MATN2: variants seen among roughly 807,000 people sequenced by gnomAD.
MATN2 encodes the protein matrilin-2.
In MATN2, 69 loss-of-function variants were observed where a neutral mutation model predicts 103.2. That is an observed-to-expected ratio of 0.67 (90% confidence interval 0.55 to 0.82). The LOEUF is 0.82. MATN2 is among the 40% of genes least tolerant of loss of function. MATN2 has a pLI of 0.00. For missense variants in MATN2, 1,023 were observed against 1,211.5 expected (o/e 0.84, Z 2.31); for synonymous variants, 429 against 450.2 (o/e 0.95, Z 0.60).
At chr8:98,034,921 A>G (rs1352981915) in intron 18 of MATN2, among the ~76,000 whole-genome samples, 1 of 151,858 alleles carries the variant, frequency 6.6e-6, no homozygotes, top group African/African-American at 2.4e-5. Flanking sequence ...ACAATTAAAA[A>G]AAAAAAAAAA....
intron 6 of MATN2, among the ~76,000 whole-genome samples, chr8:97,985,353 A>C (rs6468608): frequency 0.29 from 44,511 of 152,016 alleles, 7,886 homozygotes; most frequent in African/African-American, 0.5. Flanking sequence ...ATGACCCAAA[A>C]ACCTCCCATT....
At chr8:97,913,059 C>A (rs764207191) in intron 2 of MATN2, among the ~76,000 whole-genome samples, 2 of 152,122 alleles carry the variant, frequency 1.3e-5, no homozygotes, top group Non-Finnish European at 2.9e-5. Flanking sequence ...TGAGCAGACA[C>A]CAGAACACGA....
chr8:97,898,529 G>A lies in MATN2; in HGVS notation c.142+10287G>A, dbSNP rs188496749. Among the ~76,000 whole-genome samples the A allele has an allele frequency of 1.3e-3, 193 of 151,594 alleles. 4 individuals are homozygous for A. The highest frequency in any genetic ancestry group is 0.011 in the Admixed American group (163 of 15,228). On this transcript the variant is annotated intron_variant, in intron 2 of 18. Coordinates refer to ENST00000254898, the MANE Select transcript of MATN2 (RefSeq NM_002380.5). ...GGAAAATTACTTGAACCTCGGAGGC[G>A]GAGGTTGCAGTGAGCTGAGATCACA...
chr8:98,013,532 C>T lies in MATN2; in HGVS notation c.1574-3008C>T, dbSNP rs184801813. On this transcript the variant is annotated intron_variant, in intron 10 of 18. Coordinates refer to ENST00000254898, the MANE Select transcript of MATN2 (RefSeq NM_002380.5). ...TCTGTTAGGTGCCAGGCATTATGGC[C>T]ACTGCCAACATCTCACCTCTGATGA... 6.3e-4 allele frequency among the ~76,000 whole-genome samples: 96 copies of T among 152,292 alleles called. 3 individuals are homozygous for T. The East Asian group carries it at 0.016, about 25-fold the overall frequency.
chr8:97,943,742 G>A (rs1307835162), intron 4 of MATN2, among the ~76,000 whole-genome samples: 2 of 152,088 alleles, frequency 1.3e-5, no homozygotes, highest in Admixed American at 6.6e-5. Context: ...GGATTGAGCC[G>A]CTGTGCCTGG....
intron 2 of MATN2, among the ~76,000 whole-genome samples, chr8:97,929,934 G>A (rs1175383043): frequency 6.6e-6 from 1 of 152,202 alleles, no homozygotes; most frequent in African/African-American, 2.4e-5. Flanking sequence ...AGTCTGAAAG[G>A]AAAGGTCTTT....
In MATN2 at chr8:97,965,046, T is replaced by C. The variant is rs1811437438; in HGVS notation, c.958+3516T>C. Among the ~76,000 whole-genome samples the C allele has an allele frequency of 2.6e-5, 4 of 152,332 alleles. No homozygotes were observed. The South Asian group carries it at 8.3e-4, about 32-fold the overall frequency. ...ACTGCGCCCGACTGACCCCATTTCT[T>C]ACCCAGCTGGCCTCATTTCTTGATG... On this transcript the variant is annotated intron_variant, in intron 5 of 18. Transcript: ENST00000254898.
In MATN2 at chr8:97,972,568, T is replaced by C. The variant is rs1811696225; in HGVS notation, c.959-6318T>C. 2.0e-5 allele frequency among the ~76,000 whole-genome samples: 3 copies of C among 152,354 alleles called. No homozygotes were observed. In the South Asian group the frequency reaches 6.2e-4, roughly 32 times the overall value. On this transcript the variant is annotated intron_variant, in intron 5 of 18. Coordinates refer to ENST00000254898, the MANE Select transcript of MATN2 (RefSeq NM_002380.5). ...AAACTTTAAACTCCAAATGCTCCTCTTTAAAATATACTATTTCTGCTAATG... is the reference window on the plus strand; with the variant it reads ...AAACTTTAAACTCCAAATGCTCCTCCTTAAAATATACTATTTCTGCTAATG...
chr8:97,927,353 T>C (rs1038733785), intron 2 of MATN2, among the ~76,000 whole-genome samples: 19 of 151,644 alleles, frequency 1.3e-4, no homozygotes, highest in Non-Finnish European at 2.4e-4. Context: ...AGAGATGGGG[T>C]TTCTCCATGT....
In MATN2 at chr8:98,027,464, A is replaced by G. The variant is rs11559204; in HGVS notation, c.1991A>G (p.Lys664Arg). Residue 664 changes from lysine (K) to arginine (R), a missense_variant, in exon 14 of 19, where the codon AAG becomes AGG. Physicochemically the swap from Lys to Arg is conservative, Grantham distance 26. Transcript: ENST00000254898. ...CTGGTCTTTGTGATCGATGGATCCA[A>G]GAGTCTTGGAGAAGAGAATTTTGAG... ...IDLVFVIDGS[K>R]SLGEENFEVV... 6.2e-7 allele frequency: 1 copy of G among 1,613,700 alleles called. No individual in the cohort carries two copies. The highest frequency in any genetic ancestry group is 8.5e-7 in the Non-Finnish European group (1 of 1,179,652).
Position 97,982,634 on chromosome 8 carries a change from G to A in MATN2, c.1081+3626G>A, listed in dbSNP as rs1812065331. Among the ~76,000 whole-genome samples the A allele has an allele frequency of 6.6e-6, 1 of 151,972 alleles. No individual in the cohort carries two copies. On this transcript the variant is annotated intron_variant, in intron 6 of 18. Transcript: ENST00000254898. This position sits in a 1 kb window ranked among gnomAD's most constrained non-coding sequence, Gnocchi z 4.3. ...GATTAAGCAAAAATGTACATAATAG[G>A]GCTTTATGTTCATGAACCAGTACTA...
chr8:98,035,536 T>TG (rs1360844226), intron 18 of MATN2, 121 bp from the exon 19 acceptor site: 2 of 573,284 alleles, frequency 3.5e-6, no homozygotes, highest in Non-Finnish European at 6.3e-6. Flanking sequence ...TTGACAGAAA[T>TG]GGGAAAAAAA....
intron 2 of MATN2, among the ~76,000 whole-genome samples, chr8:97,927,615 G>A (rs1344637933): frequency 6.6e-6 from 1 of 152,184 alleles, no homozygotes; most frequent in African/African-American, 2.4e-5. Context: ...TCAGTTACTT[G>A]GGCTGCCAGG....
At chr8:98,030,357 T>C in intron 14 of MATN2, 105 bp from the exon 15 acceptor site, 7 of 842,196 alleles carry the variant, frequency 8.3e-6, no homozygotes, top group Non-Finnish European at 1.3e-5. Flanking sequence ...ACTCTTCAAA[T>C]CATACCACTT....
chr8:98,022,867 C>G (rs1057446390), intron 13 of MATN2, among the ~76,000 whole-genome samples: 5 of 152,236 alleles, frequency 3.3e-5, no homozygotes, highest in African/African-American at 1.2e-4. Flanking sequence ...ACGGGCAGAT[C>G]ACCTGAGATC....
chr8:97,872,252 A>G (rs1189788794), intron 1 of MATN2, among the ~76,000 whole-genome samples: 3 of 152,204 alleles, frequency 2.0e-5, no homozygotes, highest in East Asian at 3.8e-4. Context: ...AGTCAATTGA[A>G]ATGGAAAATT....
chr8:97,930,868 C>A (rs557609622), intron 2 of MATN2, 85 bp from the exon 3 acceptor site: 1 of 864,098 alleles, frequency 1.2e-6, no homozygotes, highest in East Asian at 2.6e-5. Context: ...GTGATCCACC[C>A]GCCTTCCAAA....
intron 2 of MATN2, among the ~76,000 whole-genome samples, chr8:97,898,591 C>T (rs910298309): frequency 4.7e-5 from 7 of 148,884 alleles, no homozygotes; most frequent in Non-Finnish European, 8.9e-5. Flanking sequence ...GAGTGAAACT[C>T]CTTCTCAAAA....
intron 3 of MATN2, among the ~76,000 whole-genome samples, chr8:97,935,834 A>C (rs1283924695): frequency 6.6e-6 from 1 of 152,194 alleles, no homozygotes; most frequent in Admixed American, 6.5e-5. Flanking sequence ...CTGCAGGCAG[A>C]ACTGAAAATC....
Sources: gnomAD v4.1 joint callset for allele counts (sites outside exome capture counted in the v4.1 genomes callset) on GRCh38, gnomAD v4.1.1 for gene constraint, Gnocchi (gnomAD v3.1) non-coding constraint, MANE v1.5 for transcripts, NCBI Gene and HGNC (gene_info 2026-07-23, HGNC 2026-07-21) for gene names.